TAF12: variants seen among roughly 807,000 people sequenced by gnomAD.
TAF12 encodes transcription initiation factor TFIID subunit 12.
Under a neutral mutation model 20.8 loss-of-function variants are expected in TAF12, and 3 were observed. The observed-to-expected ratio is 0.14, with a 90% CI of 0.07 to 0.37. The LOEUF (loss-of-function observed/expected upper bound fraction) is 0.37, where lower values mean the gene tolerates loss of function less well. Ranked by LOEUF, TAF12 falls within the 10% of genes least tolerant of loss-of-function variation. The pLI is 1.00. For missense variants in TAF12, 131 were observed against 197.9 expected (o/e 0.66, Z 2.03); for synonymous variants, 69 against 70.2 (o/e 0.98, Z 0.09).
Position 28,603,478 on chromosome 1 carries a change from T to A in TAF12, c.*61A>T. On this transcript the variant is annotated 3_prime_UTR_variant, in exon 6 of 6. Transcript: ENST00000373824. Reference sequence around the variant, plus strand: ...AAAAAAAATCCAAGGATGAGATGGCTGAGTTCTCAGCTCAAGTATCTCCAA... The same window carrying A: ...AAAAAAAATCCAAGGATGAGATGGCAGAGTTCTCAGCTCAAGTATCTCCAA... 6.3e-7 allele frequency: 1 copy of A among 1,579,414 alleles called. No individual in the cohort carries two copies. The highest frequency in any genetic ancestry group is 8.7e-7 in the Non-Finnish European group (1 of 1,152,170).
intron 4 of TAF12, 21 bp downstream of exon 4, chr1:28,613,226 G>A: frequency 6.3e-7 from 1 of 1,585,626 alleles, no homozygotes; most frequent in South Asian, 1.2e-5. Flanking sequence ...CCATACTTCA[G>A]GGAGAAACAA....
In TAF12 at chr1:28,603,607, C is replaced by T. The variant is rs144769393; in HGVS notation, c.451-33G>A. On this transcript the variant is annotated intron_variant, in intron 5 of 5. Transcript: ENST00000373824. ...GAGAGACAAATAAGCAGTTATACAG[C>T]AGCAGCTGGAGTCAGGAGCTTTCTG... 6.6e-5 allele frequency: 107 copies of T among 1,612,856 alleles called. No individual in the cohort carries two copies. In the African/African-American group the frequency reaches 1.2e-3, roughly 19 times the overall value.
intron 1 of TAF12, among the ~76,000 whole-genome samples, chr1:28,627,183 T>G (rs569688324): frequency 6.6e-6 from 1 of 151,396 alleles, no homozygotes; most frequent in African/African-American, 2.4e-5. Flanking sequence ...GGTCAGGGGT[T>G]CGAGACCAGC....
rs767427390 is a variant in TAF12 at position 28,622,029 on chromosome 1, A to G, written c.53T>C (p.Ile18Thr). Reference protein sequence around the residue: ...ALINLSNFSSIKPEPASTPPQ... With the variant: ...ALINLSNFSSTKPEPASTPPQ... ...AGGGGTGCTGGCTGGTTCCGGTTTT[A>G]TGGATGAGAAATTGGAGAGGTTGAT... The change falls in exon 2 of 6, where the codon ATA becomes ACA. Residue 18 changes from isoleucine to threonine, a missense_variant. Transcript: ENST00000373824. 27 of 1,613,870 alleles carry G rather than the reference A, an allele frequency of 1.7e-5. No homozygotes were observed. The Admixed American group carries it at 3.2e-4, about 19-fold the overall frequency.
intron 1 of TAF12, among the ~76,000 whole-genome samples, chr1:28,633,143 T>C (rs1570331730): frequency 7.3e-6 from 1 of 136,078 alleles, no homozygotes; most frequent in South Asian, 2.4e-4. Context: ...TTACAGGGCA[T>C]GCACCTCCAA....
chr1:28,608,453 A>T (rs900514419), intron 4 of TAF12, among the ~76,000 whole-genome samples: 2 of 152,046 alleles, frequency 1.3e-5, no homozygotes, highest in Non-Finnish European at 2.9e-5. Context: ...GTGCAAAGTC[A>T]CTTTAAAGAA....
intron 1 of TAF12, among the ~76,000 whole-genome samples, chr1:28,627,760 T>G (rs1368354848): frequency 1.3e-5 from 2 of 151,498 alleles, no homozygotes; most frequent in Non-Finnish European, 2.9e-5. Flanking sequence ...CGACAAAAAT[T>G]TACTGCTGTC....
chr1:28,631,078 G>T (rs1409816667), intron 1 of TAF12, among the ~76,000 whole-genome samples: 2 of 148,914 alleles, frequency 1.3e-5, no homozygotes, highest in Non-Finnish European at 1.5e-5. Context: ...ATATGTCATA[G>T]ATTAGGAGAA....
At chr1:28,634,499 C>G (rs1005231039) in intron 1 of TAF12, among the ~76,000 whole-genome samples, 4 of 150,938 alleles carry the variant, frequency 2.7e-5, no homozygotes, top group Non-Finnish European at 5.9e-5. Context: ...TTAACCCTTA[C>G]TATTACCTAC....
rs1054647307 is a variant in TAF12 at position 28,612,505 on chromosome 1, T to C, written c.361+742A>G. On this transcript the variant is annotated intron_variant, in intron 4 of 5. Transcript: ENST00000373824. ...TACATAAAGTATATACAAATATATA[T>C]AAAAATTATATATAAATATATATAA... 6.2e-5 allele frequency among the ~76,000 whole-genome samples: 9 copies of C among 145,926 alleles called. No homozygotes were observed. The South Asian group carries it at 1.7e-3, about 27-fold the overall frequency.
chr1:28,618,824 A>G (rs577636052), intron 2 of TAF12, among the ~76,000 whole-genome samples: 2 of 152,292 alleles, frequency 1.3e-5, no homozygotes, highest in African/African-American at 4.8e-5. Context: ...TTAATAGGCT[A>G]AAAGCTCCCT....
At chr1:28,617,803 G>C in intron 3 of TAF12, 150 bp downstream of exon 3, 1 of 778,340 alleles carries the variant, frequency 1.3e-6, no homozygotes, top group Non-Finnish European at 2.2e-6. Context: ...ATATGGCCTA[G>C]GCTGGTCTTG....
At chr1:28,647,916 C>G (rs935155248), upstream of TAF12, among the ~76,000 whole-genome samples, 9 of 152,096 alleles carry the variant, frequency 5.9e-5, no homozygotes, top group African/African-American at 2.2e-4. Flanking sequence ...CTTCAGTCAT[C>G]TGAGGTACAG....
At chr1:28,642,486 T>C (rs1253654699) in intron 1 of TAF12, among the ~76,000 whole-genome samples, 3 of 152,016 alleles carry the variant, frequency 2.0e-5, no homozygotes, top group Non-Finnish European at 4.4e-5. Flanking sequence ...GAAGCCCCAG[T>C]CTTCACTGCC....
chr1:28,604,061 C>T (rs186690746), intron 5 of TAF12, among the ~76,000 whole-genome samples: 25 of 152,210 alleles, frequency 1.6e-4, no homozygotes, highest in Non-Finnish European at 3.5e-4. Flanking sequence ...CGTGCCACCA[C>T]GCCTGGCTAA....
upstream of TAF12, chr1:28,643,164 G>A (rs1668098560): frequency 1.0e-6 from 1 of 958,158 alleles, no homozygotes; most frequent in Non-Finnish European, 1.2e-6. Context: ...CGCTTGCGCA[G>A]GCGCAGACTG....
chr1:28,622,413 G>A (rs976189619), intron 1 of TAF12, among the ~76,000 whole-genome samples: 1 of 151,312 alleles, frequency 6.6e-6, no homozygotes, highest in African/African-American at 2.4e-5. Context: ...GACTTTGAGG[G>A]TTCTTCAGTA....
chr1:28,636,074 G>A (rs1321100831), intron 1 of TAF12, among the ~76,000 whole-genome samples: 1 of 152,066 alleles, frequency 6.6e-6, no homozygotes, highest in Non-Finnish European at 1.5e-5. Context: ...ATATTTCCCA[G>A]CCTAAATAAG....
At chr1:28,616,119 G>A (rs550180365) in intron 3 of TAF12, among the ~76,000 whole-genome samples, 3 of 152,194 alleles carry the variant, frequency 2.0e-5, no homozygotes, top group South Asian at 4.2e-4. Context: ...AGCCAGGGTC[G>A]GGCATAGTGG....
Sources: gnomAD v4.1 joint callset for allele counts (sites outside exome capture counted in the v4.1 genomes callset) on GRCh38, gnomAD v4.1.1 for gene constraint, MANE v1.5 for transcripts, NCBI Gene and HGNC (gene_info 2026-07-23, HGNC 2026-07-21) for gene names.